Variants in ZSWIM6 observed in about 807,000 individuals in gnomAD.
ZSWIM6 encodes zinc finger SWIM domain-containing protein 6.
Under a neutral mutation model 113.2 loss-of-function variants are expected in ZSWIM6, and 9 were observed. The observed-to-expected ratio is 0.08, with a 90% CI of 0.05 to 0.14. ZSWIM6 has a LOEUF of 0.14. ZSWIM6 is among the 10% of genes least tolerant of loss of function. The pLI is 1.00. For synonymous variants in ZSWIM6, 611 were observed against 606.5 expected (o/e 1.01, Z -0.11); for missense variants, 1,162 against 1,552.2 (o/e 0.75, Z 4.22).
chr5:61,537,929 A>G (rs1749623044), intron 10 of ZSWIM6, among the ~76,000 whole-genome samples: 1 of 152,198 alleles, frequency 6.6e-6, no homozygotes, highest in African/African-American at 2.4e-5. Context: ...AAATTTTTTC[A>G]TCAGCATATT....
intron 5 of ZSWIM6, among the ~76,000 whole-genome samples, chr5:61,525,563 C>T (rs991285153): frequency 3.3e-5 from 5 of 152,160 alleles, no homozygotes; most frequent in African/African-American, 1.2e-4. Context: ...TTAACCTTAG[C>T]TTTAATGGCT....
At position 61,530,781 on chromosome 5, in the gene ZSWIM6, G is replaced by T. The variant is rs537265395; in HGVS notation, c.1984+583G>T. Among the ~76,000 whole-genome samples, 42 of 152,298 alleles carry T rather than the reference G, an allele frequency of 2.8e-4. No homozygotes were observed. In the South Asian group the frequency reaches 8.3e-3, roughly 30 times the overall value. On this transcript the variant is annotated intron_variant, in intron 8 of 13. Coordinates refer to ENST00000252744, the MANE Select transcript of ZSWIM6 (RefSeq NM_020928.2). ...AGGCAGGGAGTAACGATGTCCCTTTGTTGCTTCCATGGCTGGATGAGCTCA... is the reference window on the plus strand; with the variant it reads ...AGGCAGGGAGTAACGATGTCCCTTTTTTGCTTCCATGGCTGGATGAGCTCA...
intron 1 of ZSWIM6, among the ~76,000 whole-genome samples, chr5:61,381,731 A>G (rs1484340868): frequency 6.6e-6 from 1 of 152,206 alleles, no homozygotes; most frequent in Non-Finnish European, 1.5e-5. Context: ...ACCCTTTTGA[A>G]TGCCACAAGA....
chr5:61,436,880 C>G (rs1160417479), intron 1 of ZSWIM6, among the ~76,000 whole-genome samples: 1 of 152,102 alleles, frequency 6.6e-6, no homozygotes, highest in Non-Finnish European at 1.5e-5. Context: ...CTGAAATATT[C>G]TTGATGATTT....
chr5:61,371,315 T>C (rs1745257450), intron 1 of ZSWIM6, among the ~76,000 whole-genome samples: 1 of 152,264 alleles, frequency 6.6e-6, no homozygotes, highest in Non-Finnish European at 1.5e-5. Context: ...ATTATGAAGA[T>C]GTAACAGGCA....
intron 1 of ZSWIM6, among the ~76,000 whole-genome samples, chr5:61,367,589 C>T (rs1414828475): frequency 6.6e-6 from 1 of 152,186 alleles, no homozygotes. Flanking sequence ...AGAACATTTT[C>T]TCTAGCTTTC....
chr5:61,368,770 A>G (rs1745209322), intron 1 of ZSWIM6, among the ~76,000 whole-genome samples: 1 of 152,194 alleles, frequency 6.6e-6, no homozygotes, highest in Non-Finnish European at 1.5e-5. Context: ...ACAAGAAGCA[A>G]GTCAGTCAGC....
chr5:61,404,107 A>C (rs183373085), intron 1 of ZSWIM6, among the ~76,000 whole-genome samples: 1 of 150,952 alleles, frequency 6.6e-6, no homozygotes, highest in East Asian at 2.0e-4. Context: ...TCCCGGGTTC[A>C]CTCCATTCTC....
chr5:61,411,741 G>A (rs1746151793), intron 1 of ZSWIM6, among the ~76,000 whole-genome samples: 1 of 152,086 alleles, frequency 6.6e-6, no homozygotes, highest in Admixed American at 6.6e-5. Flanking sequence ...GTCTTCATGT[G>A]GTAGAAGGAA....
intron 1 of ZSWIM6, among the ~76,000 whole-genome samples, chr5:61,463,451 C>T (rs1341268209): frequency 6.6e-6 from 1 of 152,156 alleles, no homozygotes; most frequent in Non-Finnish European, 1.5e-5. Context: ...AAACTTTGGT[C>T]CCTGGACACC....
At chr5:61,382,816 AAAAGAAAG>A (rs57053318) in intron 1 of ZSWIM6, among the ~76,000 whole-genome samples, 140 of 150,238 alleles carry the variant, frequency 9.3e-4, no homozygotes, top group Middle Eastern at 6.9e-3. Context: ...AAATAAAAAA[AAAAGAAAG>A]AAAGAAAGAA....
intron 4 of ZSWIM6, 80 bp from the exon 5 acceptor site, chr5:61,521,183 A>T: frequency 1.1e-6 from 1 of 890,044 alleles, no homozygotes; most frequent in Non-Finnish European, 1.5e-6. Flanking sequence ...AATTTTAATA[A>T]ATTTAAACAA....
intron 1 of ZSWIM6, among the ~76,000 whole-genome samples, chr5:61,416,331 C>T (rs771861426): frequency 6.6e-6 from 1 of 152,198 alleles, no homozygotes; most frequent in Non-Finnish European, 1.5e-5. Flanking sequence ...CCCCCTCCTC[C>T]CGCAGAAACG....
In ZSWIM6 at chr5:61,448,997, C is replaced by T. The variant is rs1301123387; in HGVS notation, c.677-23684C>T. ...TTGTAGCACTGTTGCCCTGGTAGTC[C>T]TTGTAACCAAAGCATCTCCGTTCCC... On this transcript the variant is annotated intron_variant, in intron 1 of 13. Transcript: ENST00000252744. 2.0e-5 allele frequency among the ~76,000 whole-genome samples: 3 copies of T among 152,298 alleles called. No homozygotes were observed. In the East Asian group the frequency reaches 5.8e-4, roughly 29 times the overall value.
chr5:61,468,279 C>T (rs1747482923), intron 1 of ZSWIM6, among the ~76,000 whole-genome samples: 1 of 152,096 alleles, frequency 6.6e-6, no homozygotes, highest in South Asian at 2.1e-4. Flanking sequence ...TTCTTCAGTT[C>T]CTGCAGATTA....
chr5:61,482,391 C>G (rs939920594), intron 2 of ZSWIM6, among the ~76,000 whole-genome samples: 18 of 152,066 alleles, frequency 1.2e-4, no homozygotes, highest in Admixed American at 5.9e-4. Context: ...AGGAGAAACA[C>G]CTAATGTAGA....
intron 2 of ZSWIM6, among the ~76,000 whole-genome samples, chr5:61,478,140 C>T (rs766391783): frequency 6.6e-6 from 1 of 152,040 alleles, no homozygotes; most frequent in Non-Finnish European, 1.5e-5. Flanking sequence ...CTGGTGTTGA[C>T]GGTTGGTAAA....
intron 10 of ZSWIM6, among the ~76,000 whole-genome samples, chr5:61,538,243 A>G (rs1749633635): frequency 6.6e-6 from 1 of 152,262 alleles, no homozygotes; most frequent in African/African-American, 2.4e-5. Context: ...GTCTAATGTC[A>G]AATTCCTGGA....
chr5:61,337,283 C>CCG (rs1561196809), intron 1 of ZSWIM6, among the ~76,000 whole-genome samples: 1 of 147,670 alleles, frequency 6.8e-6, no homozygotes, highest in African/African-American at 2.5e-5. Context: ...CGTCTCCCCC[C>CCG]CCAAAAAAAA....
Sources: allele counts gnomAD v4.1 joint callset (sites outside exome capture counted in the v4.1 genomes callset), GRCh38; gene constraint gnomAD v4.1.1; transcripts MANE v1.5; gene names NCBI Gene and HGNC (gene_info 2026-07-23, HGNC 2026-07-21).